IL33: variants seen among roughly 807,000 people sequenced by gnomAD.
IL33 encodes the protein interleukin 33.
IL33 carries 37 observed loss-of-function variants against 27.3 expected under a neutral mutation model. That is an observed-to-expected ratio of 1.36 (90% CI 1.04 to 1.78). IL33 has a LOEUF of 1.78. IL33 is among the 40% of genes most tolerant of loss of function. The pLI, the probability that IL33 is intolerant of heterozygous loss-of-function variation, is 0.00. For synonymous variants in IL33, 132 were observed against 102.9 expected (o/e 1.28, Z -1.71); for missense variants, 406 against 311.4 (o/e 1.30, Z -2.29).
chr9:6,243,767 G>A (rs528901480), intron 2 of IL33, among the ~76,000 whole-genome samples: 3 of 152,164 alleles, frequency 2.0e-5, no homozygotes, highest in African/African-American at 7.2e-5. Context: ...ATGATGGTGG[G>A]GACTGGCATA....
intron 2 of IL33, among the ~76,000 whole-genome samples, chr9:6,243,348 A>G (rs1417867562): frequency 6.6e-6 from 1 of 151,918 alleles, no homozygotes; most frequent in African/African-American, 2.4e-5. Flanking sequence ...GAAGCATGCA[A>G]ATTTATTTAT....
Position 6,222,563 on chromosome 9 carries a change from A to G in IL33, c.-12+6711A>G, listed in dbSNP as rs188470929. Among the ~76,000 whole-genome samples, 115 of 152,344 alleles carry G rather than the reference A, an allele frequency of 7.5e-4. 1 individual carries two copies. The highest frequency in any genetic ancestry group is 1.6e-4 in the Non-Finnish European group (11 of 68,022). On this transcript the variant is annotated intron_variant, in intron 1 of 7. Transcript: ENST00000682010. ...TCAGTTATTTCTGTCGCTATTCAAT[A>G]AGCATATCTCAAACATGAGAAAAAA...
At chr9:6,237,327 C>G (rs1000225188) in intron 1 of IL33, among the ~76,000 whole-genome samples, 1 of 152,078 alleles carries the variant, frequency 6.6e-6, no homozygotes, top group Non-Finnish European at 1.5e-5. Context: ...AAAGAATTTG[C>G]AGGTTATTTG....
At chr9:6,247,014 G>C (rs1273579904) in intron 2 of IL33, among the ~76,000 whole-genome samples, 1 of 152,180 alleles carries the variant, frequency 6.6e-6, no homozygotes, top group Admixed American at 6.5e-5. Flanking sequence ...ATGCTTCAAA[G>C]TAGCTGGGTC....
intron 1 of IL33, among the ~76,000 whole-genome samples, chr9:6,222,960 G>A (rs922094468): frequency 6.6e-6 from 1 of 151,986 alleles, no homozygotes; most frequent in Non-Finnish European, 1.5e-5. Context: ...TATGTGGAAC[G>A]CATATGTAAG....
Position 6,218,635 on chromosome 9 carries a change from A to T in IL33, c.-12+2783A>T, listed in dbSNP as rs573317676. 7.0e-3 allele frequency among the ~76,000 whole-genome samples: 1,019 copies of T among 144,586 alleles called. 9 individuals are homozygous for T. The highest frequency in any genetic ancestry group is 0.025 in the African/African-American group (971 of 38,758). 94.9% of individuals were successfully genotyped at this position (144,586 alleles called of 152,430 possible). ...ACATATATATTCTCCCTATATATAT[A>T]TTTTTTCTCCCTATACATATGTCCC... On this transcript the variant is annotated intron_variant, in intron 1 of 7. Transcript: ENST00000682010.
chr9:6,236,879 A>G (rs1240430278), intron 1 of IL33, among the ~76,000 whole-genome samples: 1 of 152,192 alleles, frequency 6.6e-6, no homozygotes, highest in Non-Finnish European at 1.5e-5. Context: ...TCAAAAAATA[A>G]ATAAATAAAT....
rs1587677418 is a variant in IL33 at position 6,256,346 on chromosome 9, T to C, written c.*178T>C. On this transcript the variant is annotated 3_prime_UTR_variant, in exon 8 of 8. Coordinates refer to ENST00000682010, the MANE Select transcript of IL33 (RefSeq NM_033439.4). ...TTCTAATCCTCCAGTTATTCTTTTATTTCCCTCTGTATAACTGCATCTTCA... is the reference window on the plus strand; with the variant it reads ...TTCTAATCCTCCAGTTATTCTTTTACTTCCCTCTGTATAACTGCATCTTCA... 6 of 588,930 alleles carry C rather than the reference T, an allele frequency of 1.0e-5. No homozygotes were observed. In the East Asian group the frequency reaches 1.4e-4, roughly 14 times the overall value. The allele number at this position is 588,930 out of a possible 1,614,324, so 36.5% of individuals were successfully genotyped here. A position where few individuals can be genotyped will look rare whatever the true frequency, so the allele number is the denominator to read the frequency against.
Position 6,250,530 on chromosome 9 carries a change from G to C in IL33, c.148G>C (p.Gly50Arg). ...CATGTACTTTATGAAGCTCCGCTCT[G>C]GCCTTATGATAAAAAAGGAGGCCTG... is the stretch of plus-strand genomic sequence containing the variant. ...CPMYFMKLRS[G>R]LMIKKEACYF... Residue 50 changes from glycine to arginine, a missense_variant, in exon 3 of 8, where the codon GGC becomes CGC. Coordinates refer to ENST00000682010, the MANE Select transcript of IL33 (RefSeq NM_033439.4). 2 of 1,613,956 alleles carry C rather than the reference G, an allele frequency of 1.2e-6. No individual in the cohort carries two copies. The highest frequency in any genetic ancestry group is 1.7e-6 in the Non-Finnish European group (2 of 1,179,940).
Position 6,254,507 on chromosome 9 carries a change from CA to C in IL33, c.570del (p.Asp191ThrfsTer50). 6.3e-7 allele frequency: 1 copy of C among 1,596,154 alleles called. No individual in the cohort carries two copies. Among genetic ancestry groups the C allele is most frequent in the South Asian group, 1.1e-5 (1 of 87,712 alleles). ...GKMLMVTLSP[T>X]KDFWLHANNK... The stretch of plus-strand genomic sequence containing the variant: ...ATGTTAATGGTAACCCTGAGTCCTA[CA>C]AAAGACTTCTGGTTGCATGCCAACA... On this transcript the variant is annotated frameshift_variant, in exon 7 of 8. Coordinates refer to ENST00000682010, the MANE Select transcript of IL33 (RefSeq NM_033439.4). LOFTEE classifies it low-confidence loss of function (END_TRUNC).
intron 2 of IL33, among the ~76,000 whole-genome samples, chr9:6,249,086 A>C (rs1816181458): frequency 6.6e-6 from 1 of 152,220 alleles, no homozygotes; most frequent in Non-Finnish European, 1.5e-5. Flanking sequence ...ACCACCGTTG[A>C]TATTTCTGCA....
intron 1 of IL33, among the ~76,000 whole-genome samples, chr9:6,223,969 G>T (rs1262934491): frequency 6.6e-6 from 1 of 152,098 alleles, no homozygotes; most frequent in Non-Finnish European, 1.5e-5. Context: ...ATACTCAGAG[G>T]AGCCAAAGGA....
chr9:6,244,791 C>G (rs1819730749), intron 2 of IL33, among the ~76,000 whole-genome samples: 1 of 152,146 alleles, frequency 6.6e-6, no homozygotes, highest in African/African-American at 2.4e-5. Flanking sequence ...AGCTGCTGCT[C>G]TAAGATGCCA....
At chr9:6,233,099 C>G (rs1819004571) in intron 1 of IL33, among the ~76,000 whole-genome samples, 1 of 152,208 alleles carries the variant, frequency 6.6e-6, no homozygotes, top group African/African-American at 2.4e-5. Flanking sequence ...CTCTCCATCT[C>G]CAGAACATTT....
At chr9:6,243,253 G>T (rs1273979877) in intron 2 of IL33, among the ~76,000 whole-genome samples, 2 of 152,170 alleles carry the variant, frequency 1.3e-5, no homozygotes, top group East Asian at 3.8e-4. Context: ...AAGACAGAAG[G>T]TAAGTAAAGT....
chr9:6,239,158 G>A (rs1331561474), intron 1 of IL33, among the ~76,000 whole-genome samples: 1 of 152,172 alleles, frequency 6.6e-6, no homozygotes, highest in Non-Finnish European at 1.5e-5. Context: ...AAGGAAGCAA[G>A]CTCCAGCACA....
intron 1 of IL33, among the ~76,000 whole-genome samples, chr9:6,222,208 C>G (rs538179323): frequency 6.6e-6 from 1 of 152,272 alleles, no homozygotes; most frequent in Admixed American, 6.5e-5. Context: ...AGAAGAAAGC[C>G]TCTGTACTCT....
At chr9:6,239,278 C>T (rs1367797871) in intron 1 of IL33, among the ~76,000 whole-genome samples, 1 of 152,086 alleles carries the variant, frequency 6.6e-6, no homozygotes, top group Non-Finnish European at 1.5e-5. Context: ...AGGAAGCTTG[C>T]TCAGGAGGGC....
chr9:6,257,541 T>C lies in IL33; in HGVS notation c.*1373T>C, dbSNP rs1009548901. The C allele has an allele frequency of 6.5e-6, 1 of 152,678 alleles. No individual in the cohort carries two copies. The highest frequency in any genetic ancestry group is 2.1e-4 in the South Asian group (1 of 4,832). 9.5% of individuals were successfully genotyped at this position (152,678 alleles called of 1,614,324 possible). A position where few individuals can be genotyped will look rare whatever the true frequency, so the allele number is the denominator to read the frequency against. On this transcript the variant is annotated 3_prime_UTR_variant, in exon 8 of 8. Coordinates refer to ENST00000682010, the MANE Select transcript of IL33 (RefSeq NM_033439.4). ...TATACTCAACCATATAATAACATTTTTTAACTACTAAAGGAGTAGTTTTTA... is the reference window on the plus strand; with the variant it reads ...TATACTCAACCATATAATAACATTTCTTAACTACTAAAGGAGTAGTTTTTA...
Sources: gnomAD v4.1 joint callset for allele counts (sites outside exome capture counted in the v4.1 genomes callset) on GRCh38, gnomAD v4.1.1 for gene constraint, MANE v1.5 for transcripts, NCBI Gene and HGNC (gene_info 2026-07-23, HGNC 2026-07-21) for gene names.